Variants in PAPPA observed in about 807,000 individuals in gnomAD.
PAPPA encodes the protein pappalysin 1, also known as pappalysin-1.
PAPPA carries 60 observed loss-of-function variants against 164.0 expected under a neutral mutation model. The ratio of observed to expected loss-of-function variants is 0.37; its 90% CI spans 0.30 to 0.45. PAPPA has a LOEUF of 0.45. PAPPA is among the 20% of genes least tolerant of loss of function. The pLI, the probability that PAPPA is intolerant of heterozygous loss-of-function variation, is 1.00. For synonymous variants in PAPPA, 875 were observed against 814.1 expected (o/e 1.07, Z -1.27); for missense variants, 1,782 against 2,087.3 (o/e 0.85, Z 2.85).
In PAPPA at chr9:116,227,642, T is replaced by C. The variant is rs886770613; in HGVS notation, c.2233+90T>C. On this transcript the variant is annotated intron_variant, in intron 6 of 21. Transcript: ENST00000328252. ...TATGGGGTTTTATTATTTTTATGGG[T>C]CTTTGCCATGTATCATTTCATTTGA... 2.9e-6 allele frequency: 4 copies of C among 1,360,666 alleles called. No homozygotes were observed. In the African/African-American group the frequency reaches 5.8e-5, roughly 20 times the overall value. The allele number at this position is 1,360,666 out of a possible 1,614,324, so 84.3% of individuals were successfully genotyped here.
At chr9:116,221,142 GGC>G (rs1246296746) in intron 5 of PAPPA, among the ~76,000 whole-genome samples, 13 of 152,050 alleles carry the variant, frequency 8.5e-5, no homozygotes, top group African/African-American at 2.9e-4. Flanking sequence ...ATACTACAGT[GGC>G]TTGAAGGTGG....
chr9:116,223,234 C>A (rs1330319599), intron 5 of PAPPA, among the ~76,000 whole-genome samples: 1 of 152,158 alleles, frequency 6.6e-6, no homozygotes, highest in Non-Finnish European at 1.5e-5. Context: ...AGGTTTCCAG[C>A]AGGCCATAGA....
At chr9:116,313,429 C>G (rs1024960096) in intron 10 of PAPPA, among the ~76,000 whole-genome samples, 2 of 152,204 alleles carry the variant, frequency 1.3e-5, no homozygotes, top group Non-Finnish European at 2.9e-5. Context: ...GAGATCTGGT[C>G]TACTGGCAAG....
chr9:116,262,163 G>A (rs1404862793), intron 7 of PAPPA, among the ~76,000 whole-genome samples: 11 of 150,638 alleles, frequency 7.3e-5, no homozygotes, highest in Admixed American at 6.6e-4. Context: ...TACAGTGAGA[G>A]CTGTGACTTC....
At chr9:116,254,467 G>A (rs1238004372) in intron 7 of PAPPA, among the ~76,000 whole-genome samples, 3 of 152,154 alleles carry the variant, frequency 2.0e-5, no homozygotes, top group Non-Finnish European at 4.4e-5. Flanking sequence ...AATAATGTGT[G>A]TATGTGTGTT....
chr9:116,352,367 T>C (rs914257232), intron 15 of PAPPA, among the ~76,000 whole-genome samples: 3 of 152,202 alleles, frequency 2.0e-5, no homozygotes, highest in African/African-American at 7.2e-5. Flanking sequence ...CCTCCATCTC[T>C]GTGCTCAGAT....
intron 7 of PAPPA, among the ~76,000 whole-genome samples, chr9:116,255,608 T>C (rs1391990006): frequency 1.3e-5 from 2 of 151,930 alleles, no homozygotes; most frequent in East Asian, 2.0e-4. Context: ...TTGGTATAGT[T>C]TGGATAAGGG....
Position 116,302,762 on chromosome 9 carries a change from C to A in PAPPA, c.2959C>A (p.Pro987Thr). 1.9e-6 allele frequency: 3 copies of A among 1,609,412 alleles called. No homozygotes were observed. The highest frequency in any genetic ancestry group is 2.5e-6 in the Non-Finnish European group (3 of 1,176,662). The change falls in exon 10 of 22, where the codon CCC becomes ACC. Residue 987 changes from proline (P) to threonine (T), a missense_variant. Coordinates refer to ENST00000328252, the MANE Select transcript of PAPPA (RefSeq NM_002581.5). The stretch of plus-strand genomic sequence containing the variant: ...TCTATGTCAATCTTTTGCAGATGAA[C>A]CCAGCCGGTGCTATTTCCATGATGG... ...QEVSFNCIDEPSRCYFHDGDG... is the reference protein window; with the variant it reads ...QEVSFNCIDETSRCYFHDGDG...
rs61248033 is a variant in PAPPA, at chr9:116,284,545, C to CTTTTTT, written c.2953+13147_2953+13152dup. On this transcript the variant is annotated intron_variant, in intron 9 of 21. Coordinates refer to ENST00000328252, the MANE Select transcript of PAPPA (RefSeq NM_002581.5). ...CAAAATCTCTATCTTTAGTCTGGGC[C>CTTTTTT]TTTTTTTTTTTTTTTTTTTTTTTGA... 8.3e-4 allele frequency among the ~76,000 whole-genome samples: 73 copies of CTTTTTT among 88,266 alleles called. 3 individuals are homozygous for CTTTTTT. Among genetic ancestry groups the CTTTTTT allele is most frequent in the African/African-American group, 3.0e-3 (67 of 21,974 alleles). 57.9% of individuals were successfully genotyped at this position (88,266 alleles called of 152,430 possible).
intron 10 of PAPPA, among the ~76,000 whole-genome samples, chr9:116,311,528 A>C (rs1298696164): frequency 6.6e-6 from 1 of 152,190 alleles, no homozygotes; most frequent in African/African-American, 2.4e-5. Context: ...GAAGCTTTAA[A>C]AAACATTGTA....
intron 10 of PAPPA, among the ~76,000 whole-genome samples, chr9:116,326,002 T>C (rs1412344201): frequency 1.3e-5 from 2 of 152,176 alleles, no homozygotes; most frequent in East Asian, 3.9e-4. Context: ...ATAAGAAAGC[T>C]TATAGGCATT....
intron 1 of PAPPA, among the ~76,000 whole-genome samples, chr9:116,164,374 G>T (rs541196008): frequency 6.6e-6 from 1 of 152,106 alleles, no homozygotes; most frequent in South Asian, 2.1e-4. Context: ...TTTGTTTTTT[G>T]GTATTATTTG....
intron 10 of PAPPA, among the ~76,000 whole-genome samples, chr9:116,313,946 A>G (rs183587391): frequency 1.1e-3 from 168 of 152,042 alleles, no homozygotes; most frequent in African/African-American, 3.8e-3. Context: ...AAATTAAATA[A>G]TTAAGGGGAG....
At chr9:116,306,131 C>T (rs546502409) in intron 10 of PAPPA, among the ~76,000 whole-genome samples, 15 of 152,222 alleles carry the variant, frequency 9.9e-5, no homozygotes, top group Admixed American at 5.2e-4. Context: ...ATGATAAATG[C>T]GAAGGTGTTT....
At chr9:116,226,380 C>A (rs184171180) in intron 5 of PAPPA, among the ~76,000 whole-genome samples, 1 of 152,114 alleles carries the variant, frequency 6.6e-6, no homozygotes, top group African/African-American at 2.4e-5. Flanking sequence ...GCATAGTGAA[C>A]GTCCCTGTGA....
intron 6 of PAPPA, among the ~76,000 whole-genome samples, chr9:116,234,450 A>C (rs940139748): frequency 6.6e-6 from 1 of 151,996 alleles, no homozygotes; most frequent in Non-Finnish European, 1.5e-5. Context: ...TCTGTTGTTC[A>C]TGGTTCTAGA....
At position 116,188,097 on chromosome 9, in the gene PAPPA, C is replaced by T; in HGVS notation, c.1359C>T (p.His453=). The change falls in exon 2 of 22, where the codon CAC becomes CAT. Residue 453 remains histidine (H), a synonymous_variant. Transcript: ENST00000328252. ...LRHPAFVKKQ[H]NGVCDMDCNY... ...ACCCTGCCTTCGTGAAGAAGCAGCACAACGGGGTGTGTGACATGGACTGCA... is the reference window on the plus strand; with the variant it reads ...ACCCTGCCTTCGTGAAGAAGCAGCATAACGGGGTGTGTGACATGGACTGCA... 6.2e-7 allele frequency: 1 copy of T among 1,614,238 alleles called. No homozygotes were observed. Among genetic ancestry groups the T allele is most frequent in the Non-Finnish European group, 8.5e-7 (1 of 1,180,044 alleles).
intron 21 of PAPPA, among the ~76,000 whole-genome samples, chr9:116,387,601 C>T (rs892833960): frequency 1.3e-5 from 2 of 152,306 alleles, no homozygotes; most frequent in East Asian, 1.9e-4. Context: ...TCTTGAACTC[C>T]TGGGCTCCAG....
chr9:116,369,658 A>C (rs1279121075), intron 19 of PAPPA, among the ~76,000 whole-genome samples: 1 of 151,700 alleles, frequency 6.6e-6, no homozygotes, highest in African/African-American at 2.4e-5. Context: ...GCAAATTCCC[A>C]CCCTTCCCTC....
Sources: gnomAD v4.1 joint callset for allele counts (sites outside exome capture counted in the v4.1 genomes callset) on GRCh38, gnomAD v4.1.1 for gene constraint, MANE v1.5 for transcripts, NCBI Gene and HGNC (gene_info 2026-07-23, HGNC 2026-07-21) for gene names.